MYO1E: variants seen among roughly 807,000 people sequenced by gnomAD.
MYO1E encodes the protein myosin IE.
MYO1E carries 68 observed loss-of-function variants against 151.1 expected under a neutral mutation model. The observed-to-expected ratio is 0.45, with a 90% confidence interval of 0.37 to 0.55. The LOEUF (loss-of-function observed/expected upper bound fraction) is 0.55. Among genes scored for constraint, MYO1E ranks in the 20% least tolerant of loss-of-function variants. MYO1E has a pLI of 0.00. For synonymous variants in MYO1E, 601 were observed against 501.7 expected (o/e 1.20, Z -2.64); for missense variants, 1,363 against 1,389.3 (o/e 0.98, Z 0.30).
intron 1 of MYO1E, among the ~76,000 whole-genome samples, chr15:59,288,704 A>G (rs2080401876): frequency 1.3e-5 from 2 of 152,202 alleles, no homozygotes; most frequent in Non-Finnish European, 2.9e-5. Context: ...GGATTCAAAT[A>G]AAAAATATAG....
In MYO1E at chr15:59,368,998, CT is replaced by C. The variant is rs554757940; in HGVS notation, c.3+3499del. ...CCCCAACGCTTTGCCTCCATCAAAA[CT>C]TTTTTTGTGCTTGATCCCATTCCTT... On this transcript the variant is annotated intron_variant, in intron 1 of 27. Transcript: ENST00000288235. Among the ~76,000 whole-genome samples the C allele has an allele frequency of 2.6e-5, 4 of 152,286 alleles. No individual in the cohort carries two copies. In the East Asian group the frequency reaches 7.7e-4, roughly 29 times the overall value.
intron 1 of MYO1E, among the ~76,000 whole-genome samples, chr15:59,307,693 C>T (rs1182507367): frequency 3.3e-5 from 5 of 152,006 alleles, no homozygotes; most frequent in African/African-American, 1.2e-4. Context: ...TCACGGCAAC[C>T]TCTGCCTCCA....
intron 1 of MYO1E, among the ~76,000 whole-genome samples, chr15:59,305,924 C>T (rs1407123285): frequency 6.6e-6 from 1 of 152,138 alleles, no homozygotes; most frequent in African/African-American, 2.4e-5. Context: ...AGGCCATACC[C>T]TAAGGATGGC....
chr15:59,283,301 G>C (rs1295328462), intron 1 of MYO1E, among the ~76,000 whole-genome samples: 6 of 152,106 alleles, frequency 3.9e-5, no homozygotes, highest in Non-Finnish European at 8.8e-5. Context: ...TCCACAGTGT[G>C]TGTGTGAGGT....
intron 26 of MYO1E, among the ~76,000 whole-genome samples, chr15:59,147,097 C>T (rs1455968096): frequency 6.6e-6 from 1 of 152,130 alleles, no homozygotes; most frequent in Non-Finnish European, 1.5e-5. Flanking sequence ...ATATACTTGC[C>T]CCGAGACATT....
At chr15:59,265,428 T>C (rs879923781) in intron 2 of MYO1E, among the ~76,000 whole-genome samples, 1 of 152,134 alleles carries the variant, frequency 6.6e-6, no homozygotes, top group Non-Finnish European at 1.5e-5. Flanking sequence ...AAGAGATATC[T>C]CATTAAGTCT....
intron 1 of MYO1E, among the ~76,000 whole-genome samples, chr15:59,330,975 G>A (rs1339980589): frequency 6.6e-6 from 1 of 152,118 alleles, no homozygotes; most frequent in East Asian, 1.9e-4. Flanking sequence ...TCCCTACGTT[G>A]CCCATGCTGC....
chr15:59,301,896 A>G (rs1322614183), intron 1 of MYO1E, among the ~76,000 whole-genome samples: 2 of 151,904 alleles, frequency 1.3e-5, no homozygotes, highest in African/African-American at 4.9e-5. Flanking sequence ...TCAAGAGATC[A>G]TCTGTGATAC....
chr15:59,282,087 T>A lies in MYO1E; in HGVS notation c.4-9638A>T, dbSNP rs140304956. Among the ~76,000 whole-genome samples, 115 of 152,366 alleles carry A rather than the reference T, an allele frequency of 7.5e-4. 1 individual carries two copies. In the East Asian group the frequency reaches 0.019, roughly 25 times the overall value. On this transcript the variant is annotated intron_variant, in intron 1 of 27. Coordinates refer to ENST00000288235, the MANE Select transcript of MYO1E (RefSeq NM_004998.4). ...CCTGGGGACACACTGGCATTCCCTA[T>A]TGGGCCTTTTCTTGTCAATTTCAAG...
chr15:59,337,500 T>C lies in MYO1E; in HGVS notation c.3+34998A>G, dbSNP rs140300927. 5.0e-3 allele frequency among the ~76,000 whole-genome samples: 759 copies of C among 152,336 alleles called. 3 individuals are homozygous for C. Among genetic ancestry groups the C allele is most frequent in the African/African-American group, 0.017 (689 of 41,572 alleles). ...GAAAATAGAGCTTTAGCCTACATTA[T>C]GAAACTTAAAAGAACATTCAGACTA... On this transcript the variant is annotated intron_variant, in intron 1 of 27. Coordinates refer to ENST00000288235, the MANE Select transcript of MYO1E (RefSeq NM_004998.4).
chr15:59,276,064 G>T (rs2080316908), intron 1 of MYO1E, among the ~76,000 whole-genome samples: 1 of 152,154 alleles, frequency 6.6e-6, no homozygotes, highest in Non-Finnish European at 1.5e-5. Context: ...TACCGCCCTA[G>T]AATTGTGAGA....
chr15:59,248,869 G>A (rs1347102799), intron 4 of MYO1E, among the ~76,000 whole-genome samples: 7 of 152,152 alleles, frequency 4.6e-5, no homozygotes, highest in African/African-American at 1.7e-4. Context: ...TCTATCCAGC[G>A]TTCTCGTGGT....
intron 22 of MYO1E, among the ~76,000 whole-genome samples, chr15:59,169,513 G>C (rs2079579842): frequency 6.6e-6 from 1 of 152,140 alleles, no homozygotes; most frequent in South Asian, 2.1e-4. Flanking sequence ...GCAAGTGTGA[G>C]GTTCAGTGAC....
chr15:59,215,165 A>G (rs1403899810), intron 10 of MYO1E, among the ~76,000 whole-genome samples: 1 of 152,188 alleles, frequency 6.6e-6, no homozygotes, highest in Non-Finnish European at 1.5e-5. Context: ...TGCTAAGGAC[A>G]AGACAACCCT....
intron 5 of MYO1E, among the ~76,000 whole-genome samples, chr15:59,235,080 A>T (rs763671808): frequency 1.8e-4 from 27 of 152,004 alleles, no homozygotes; most frequent in African/African-American, 2.4e-4. Context: ...GCTGATTTTA[A>T]TTTTCACCTC....
At chr15:59,366,997 CAAAAA>C (rs66848377) in intron 1 of MYO1E, among the ~76,000 whole-genome samples, 7 of 28,626 alleles carry the variant, frequency 2.4e-4, no homozygotes, top group African/African-American at 5.1e-4. Flanking sequence ...TGCATTTTCG[CAAAAA>C]AAAAAAAAAA....
intron 26 of MYO1E, among the ~76,000 whole-genome samples, chr15:59,145,552 A>G (rs1290539342): frequency 2.0e-5 from 3 of 151,874 alleles, no homozygotes; most frequent in Admixed American, 6.6e-5. Context: ...AAGCCCGGCT[A>G]ATTTTTCTTT....
At position 59,161,217 on chromosome 15, in the gene MYO1E, A is replaced by C; in HGVS notation, c.2641T>G (p.Leu881Val). The stretch of plus-strand genomic sequence containing the variant: ...CAGGGGCCCCAGTTTTCCTTTTTCA[A>C]CTTCAGTTCAAGCCTGCAAAAAGCA... Reference protein sequence around the residue: ...LKFSNTLELKLKKENWGPWSA... With the variant: ...LKFSNTLELKVKKENWGPWSA... The change falls in exon 24 of 28, where the codon TTG becomes GTG. Residue 881 changes from leucine to valine, a missense_variant. Coordinates refer to ENST00000288235, the MANE Select transcript of MYO1E (RefSeq NM_004998.4). 1 of 1,613,740 alleles carries C rather than the reference A, an allele frequency of 6.2e-7. No homozygotes were observed. Among genetic ancestry groups the C allele is most frequent in the Admixed American group, 1.7e-5 (1 of 59,994 alleles).
At chr15:59,307,421 A>C (rs1271755983) in intron 1 of MYO1E, among the ~76,000 whole-genome samples, 1 of 152,094 alleles carries the variant, frequency 6.6e-6, no homozygotes, top group African/African-American at 2.4e-5. Flanking sequence ...GGGGCTGGCC[A>C]CCATGGGAAA....
Sources: allele counts gnomAD v4.1 joint callset (sites outside exome capture counted in the v4.1 genomes callset), GRCh38; gene constraint gnomAD v4.1.1; transcripts MANE v1.5; gene names NCBI Gene and HGNC (gene_info 2026-07-23, HGNC 2026-07-21).